The following SLC4A8 variants were observed in gnomAD, a reference collection of about 807,000 sequenced individuals.
The protein encoded by SLC4A8 is solute carrier family 4 member 8.
A neutral mutation model predicts 125.0 loss-of-function variants in SLC4A8; 40 were observed. That is an observed-to-expected ratio of 0.32 (90% confidence interval 0.25 to 0.42). SLC4A8 has a LOEUF of 0.42. Ranked by LOEUF, SLC4A8 falls within the 10% of genes least tolerant of loss-of-function variation. The probability of loss-of-function intolerance (pLI) is 1.00; values close to 1 mark genes in which losing one functional copy is unlikely to be tolerated. For missense variants in SLC4A8, 863 were observed against 1,355.1 expected (o/e 0.64, Z 5.70); for synonymous variants, 456 against 476.0 (o/e 0.96, Z 0.55).
At chr12:51,431,192 T>G (rs937800461) in intron 1 of SLC4A8, among the ~76,000 whole-genome samples, 1 of 152,202 alleles carries the variant, frequency 6.6e-6, no homozygotes, top group African/African-American at 2.4e-5. Context: ...CTGACTCTAG[T>G]CTTCTGTCTC....
rs188790489 is a variant in SLC4A8 at position 51,481,792 on chromosome 12, A to T, written c.2173-3995A>T. On this transcript the variant is annotated intron_variant, in intron 16 of 24. Transcript: ENST00000453097. ...ACCCTATCTCTACAAAGTATATATA[A>T]AAAAAAAAAATTAGCCAGGCGTGGT... Among the ~76,000 whole-genome samples, 100 of 148,448 alleles carry T rather than the reference A, an allele frequency of 6.7e-4. 1 individual carries two copies. The highest frequency in any genetic ancestry group is 6.1e-3 in the East Asian group (31 of 5,114).
chr12:51,487,881 A>G, intron 17 of SLC4A8, among the ~76,000 whole-genome samples: 1 of 152,206 alleles, frequency 6.6e-6, no homozygotes, highest in East Asian at 1.9e-4. Flanking sequence ...GCCTTTATTT[A>G]TGCTGTAGAC....
Position 51,452,131 on chromosome 12 carries a change from A to T in SLC4A8, c.285A>T (p.Pro95=), listed in dbSNP as rs1183365434. 1 of 1,614,194 alleles carries T rather than the reference A, an allele frequency of 6.2e-7. No homozygotes were observed. Among genetic ancestry groups the T allele is most frequent in the South Asian group, 1.1e-5 (1 of 91,086 alleles). The change falls in exon 4 of 25, where the codon CCA becomes CCT. Residue 95 remains proline (P), a synonymous_variant. Transcript: ENST00000453097. ...EGLEALAHDT[P]SQRVQFILGT... ...CTTTGGTTGATTTCCTAGACACACC[A>T]TCTCAGCGTGTTCAGTTCATTCTTG...
chr12:51,482,422 C>G (rs1425225563), intron 16 of SLC4A8, among the ~76,000 whole-genome samples: 1 of 152,086 alleles, frequency 6.6e-6, no homozygotes, highest in African/African-American at 2.4e-5. Context: ...CTCTGTCGCC[C>G]AGGCTGAGTA....
intron 16 of SLC4A8, 39 bp from the exon 17 acceptor site, chr12:51,485,748 A>T: frequency 8.5e-7 from 1 of 1,172,590 alleles, no homozygotes; most frequent in Non-Finnish European, 1.3e-6. Context: ...TACTGTATTT[A>T]ACCTGCCAAA....
At chr12:51,482,673 C>T (rs776439917) in intron 16 of SLC4A8, among the ~76,000 whole-genome samples, 3 of 152,178 alleles carry the variant, frequency 2.0e-5, no homozygotes, top group Admixed American at 6.5e-5. Flanking sequence ...AGCCACCGTG[C>T]CTGGCCTGGC....
At chr12:51,435,575 T>G (rs1314642314) in intron 1 of SLC4A8, among the ~76,000 whole-genome samples, 1 of 152,074 alleles carries the variant, frequency 6.6e-6, no homozygotes, top group Non-Finnish European at 1.5e-5. Flanking sequence ...CTGGGCAACA[T>G]AGTGAGACCG....
chr12:51,497,311 G>T, intron 22 of SLC4A8, 187 bp downstream of exon 22: 1 of 645,704 alleles, frequency 1.5e-6, no homozygotes, highest in East Asian at 3.2e-5. Flanking sequence ...CTTAATTTTT[G>T]GGTTTGACAA....
At position 51,493,721 on chromosome 12, in the gene SLC4A8, A is replaced by G. The variant is rs745679636; in HGVS notation, c.2718A>G (p.Val906=). 1 of 1,609,590 alleles carries G rather than the reference A, an allele frequency of 6.2e-7. No homozygotes were observed. Among genetic ancestry groups the G allele is most frequent in the African/African-American group, 1.3e-5 (1 of 74,774 alleles). Residue 906 remains valine (V), a synonymous_variant, in exon 20 of 25, where the codon GTA becomes GTG. Transcript: ENST00000453097. ...GTCTTCAGTTTATTCCAATGCCAGT[A>G]CTCTACGGAGTTTTCCTTTACATGG... ...TAILKFIPMP[V]LYGVFLYMGV... is the part of the protein sequence containing the mutation.
intron 16 of SLC4A8, among the ~76,000 whole-genome samples, chr12:51,476,514 G>A (rs1038094582): frequency 6.6e-6 from 1 of 151,944 alleles, no homozygotes; most frequent in African/African-American, 2.4e-5. Context: ...AAAGAGCACA[G>A]TCATTTGATG....
chr12:51,406,728 G>A (rs911659288), intron 1 of SLC4A8, among the ~76,000 whole-genome samples: 1 of 152,232 alleles, frequency 6.6e-6, no homozygotes, highest in East Asian at 1.9e-4. Context: ...CAGGCCCCAC[G>A]TGCAGCAATA....
intron 2 of SLC4A8, 198 bp downstream of exon 2, chr12:51,440,987 T>G: frequency 9.8e-7 from 1 of 1,015,890 alleles, no homozygotes; most frequent in East Asian, 3.4e-5. Flanking sequence ...AGGGATATCA[T>G]TAGGATCTAA....
At chr12:51,400,190 A>G (rs1047949967) in intron 1 of SLC4A8, among the ~76,000 whole-genome samples, 1 of 152,194 alleles carries the variant, frequency 6.6e-6, no homozygotes, top group Non-Finnish European at 1.5e-5. Context: ...CCACCCAGAG[A>G]TCAGGAGGAA....
At chr12:51,493,838 G>C in intron 20 of SLC4A8, 66 bp downstream of exon 20, 1 of 997,144 alleles carries the variant, frequency 1.0e-6, no homozygotes, top group South Asian at 1.3e-5. Flanking sequence ...TCCAGGGAGG[G>C]ACAGCTCCCC....
intron 2 of SLC4A8, among the ~76,000 whole-genome samples, chr12:51,446,212 TG>T (rs1592196917): frequency 6.6e-6 from 1 of 152,200 alleles, no homozygotes; most frequent in Non-Finnish European, 1.5e-5. Flanking sequence ...TTCAGAGATC[TG>T]CCTGTTAAAA....
intron 21 of SLC4A8, among the ~76,000 whole-genome samples, chr12:51,495,959 G>A (rs1189062739): frequency 6.6e-6 from 1 of 152,162 alleles, no homozygotes; most frequent in East Asian, 1.9e-4. Flanking sequence ...ACAAATATCT[G>A]TTTGTGTCTC....
In SLC4A8 at chr12:51,500,798, T is replaced by G. The variant is rs535566017; in HGVS notation, c.3082-3231T>G. 5.9e-4 allele frequency among the ~76,000 whole-genome samples: 90 copies of G among 151,882 alleles called. 1 individual carries two copies. In the South Asian group the frequency reaches 0.015, roughly 26 times the overall value. The stretch of plus-strand genomic sequence containing the variant: ...GCCTCCCGGGTTCACGCCATTCTCC[T>G]GCCTCAGCCTCCCGAGTAGTCGGGA... On this transcript the variant is annotated intron_variant, in intron 22 of 24. Transcript: ENST00000453097.
chr12:51,485,567 T>TG (rs1336245705), intron 16 of SLC4A8, among the ~76,000 whole-genome samples: 1 of 152,184 alleles, frequency 6.6e-6, no homozygotes, highest in Non-Finnish European at 1.5e-5. Flanking sequence ...GTCTGGGTTA[T>TG]GTTAGCATTT....
In SLC4A8 at chr12:51,504,109, C is replaced by T. The variant is rs760091047; in HGVS notation, c.3162C>T (p.Asn1054=). ...SRKLLSSPGK[N]ISCRCDPSEI... The stretch of plus-strand genomic sequence containing the variant: ...AGTTACTAAGTAGTCCTGGAAAGAA[C>T]ATCAGTTGCAGGTAAAACTTCCAAA... Residue 1054 remains asparagine (N), a synonymous_variant, in exon 23 of 25, where the codon AAC becomes AAT. Coordinates refer to ENST00000453097, the MANE Select transcript of SLC4A8 (RefSeq NM_001039960.3). 1.9e-6 allele frequency: 3 copies of T among 1,567,736 alleles called. No individual in the cohort carries two copies. Among genetic ancestry groups the T allele is most frequent in the Admixed American group, 1.8e-5 (1 of 55,174 alleles).
Sources: gnomAD v4.1 joint callset for allele counts (sites outside exome capture counted in the v4.1 genomes callset) on GRCh38, gnomAD v4.1.1 for gene constraint, MANE v1.5 for transcripts, NCBI Gene and HGNC (gene_info 2026-07-23, HGNC 2026-07-21) for gene names.